Variants in TNPO1 observed in about 807,000 individuals in gnomAD.
TNPO1 encodes transportin-1.
TNPO1 carries 8 observed loss-of-function variants against 119.5 expected under a neutral mutation model. The ratio of observed to expected loss-of-function variants is 0.07; its 90% CI spans 0.04 to 0.12. TNPO1 has a LOEUF of 0.12. TNPO1 is among the 10% of genes least tolerant of loss of function. The pLI is 1.00. For missense variants in TNPO1, 576 were observed against 1,089.8 expected (o/e 0.53, Z 6.64); for synonymous variants, 362 against 363.0 (o/e 1.00, Z 0.03).
At chr5:72,885,152 A>G (rs1420831481) in intron 11 of TNPO1, among the ~76,000 whole-genome samples, 1 of 152,238 alleles carries the variant, frequency 6.6e-6, no homozygotes, top group Non-Finnish European at 1.5e-5. Flanking sequence ...GTTTAATCAT[A>G]AGTAAGAATA....
intron 1 of TNPO1, among the ~76,000 whole-genome samples, chr5:72,819,824 C>T (rs1289186062): frequency 6.6e-6 from 1 of 152,220 alleles, no homozygotes; most frequent in Non-Finnish European, 1.5e-5. Context: ...GTTATTTAAT[C>T]TCACTTTTTC....
intron 4 of TNPO1, 115 bp from the exon 5 acceptor site, chr5:72,861,693 A>T: frequency 6.9e-6 from 5 of 722,488 alleles, no homozygotes; most frequent in Non-Finnish European, 1.2e-5. Flanking sequence ...ATGAGCCACC[A>T]TGCCTGGCCA....
At chr5:72,900,849 G>A (rs767549880) in intron 21 of TNPO1, 125 bp from the exon 22 acceptor site, 4 of 533,668 alleles carry the variant, frequency 7.5e-6, no homozygotes, top group South Asian at 6.8e-5. Flanking sequence ...AAAGCTTTCC[G>A]AAAAACTCTT....
rs189581256 is a variant in TNPO1, at chr5:72,868,728, C to T, written c.596+2999C>T. The stretch of plus-strand genomic sequence containing the variant: ...AGAGCAAAAATTGGAGTGTTTGAGG[C>T]TTTTTTCTTTTTTTAACAAGTTGCA... On this transcript the variant is annotated intron_variant, in intron 6 of 24. Transcript: ENST00000337273. Among the ~76,000 whole-genome samples, 5 of 151,884 alleles carry T rather than the reference C, an allele frequency of 3.3e-5. No individual in the cohort carries two copies. In the East Asian group the frequency reaches 9.7e-4, roughly 30 times the overall value.
chr5:72,853,068 T>G (rs941583961), intron 3 of TNPO1, among the ~76,000 whole-genome samples: 1 of 152,228 alleles, frequency 6.6e-6, no homozygotes, highest in African/African-American at 2.4e-5. Context: ...ATATTAGGAT[T>G]GTTACAATAT....
Position 72,870,010 on chromosome 5 carries a change from T to A in TNPO1, c.597-2629T>A, listed in dbSNP as rs186228998. On this transcript the variant is annotated intron_variant, in intron 6 of 24. Transcript: ENST00000337273. ...TATTGGGAAATGATATTTAGAGCTT[T>A]CAGTAGGACAGTAGGAATGCCTTTT... 2.0e-3 allele frequency among the ~76,000 whole-genome samples: 302 copies of A among 152,358 alleles called. 2 individuals carry two copies. The highest frequency in any genetic ancestry group is 7.0e-3 in the African/African-American group (292 of 41,588).
At chr5:72,851,358 T>A (rs1267625054) in intron 3 of TNPO1, 39 bp downstream of exon 3, 1 of 1,176,974 alleles carries the variant, frequency 8.5e-7, no homozygotes. Flanking sequence ...TAAAGTTTCT[T>A]TAAGACCTGT....
intron 4 of TNPO1, among the ~76,000 whole-genome samples, chr5:72,860,878 T>C (rs1746390304): frequency 6.6e-6 from 1 of 152,154 alleles, no homozygotes; most frequent in Admixed American, 6.6e-5. Flanking sequence ...CGTTTTGGCA[T>C]ATTTTCTTTC....
At chr5:72,894,994 A>G (rs976385748) in intron 18 of TNPO1, among the ~76,000 whole-genome samples, 1 of 152,216 alleles carries the variant, frequency 6.6e-6, no homozygotes, top group East Asian at 1.9e-4. Flanking sequence ...CCCAGCTTCA[A>G]CTGTCCAGTC....
intron 5 of TNPO1, among the ~76,000 whole-genome samples, chr5:72,862,923 C>T (rs1033548649): frequency 1.8e-4 from 28 of 152,040 alleles, no homozygotes; most frequent in African/African-American, 6.8e-4. Context: ...GTTAGGATTA[C>T]AGGTGTGAGC....
At position 72,899,587 on chromosome 5, in the gene TNPO1, A is replaced by T. The variant is rs551899696; in HGVS notation, c.2339-419A>T. Among the ~76,000 whole-genome samples, 15 of 152,310 alleles carry T rather than the reference A, an allele frequency of 9.8e-5. No homozygotes were observed. In the East Asian group the frequency reaches 2.9e-3, roughly 29 times the overall value. ...TAATCACATTTACTGATATTTTCTC[A>T]TGAAAAAAACTATAGATTTTATTAT... On this transcript the variant is annotated intron_variant, in intron 20 of 24. Coordinates refer to ENST00000337273, the MANE Select transcript of TNPO1 (RefSeq NM_002270.4).
Position 72,910,392 on chromosome 5 carries a change from G to C in TNPO1, c.*1719G>C, listed in dbSNP as rs529167397. The C allele has an allele frequency of 1.3e-5, 2 of 152,618 alleles. No homozygotes were observed. The highest frequency in any genetic ancestry group is 4.8e-5 in the African/African-American group (2 of 41,542). The allele number at this position is 152,618 out of a possible 1,614,324, so 9.5% of individuals were successfully genotyped here. On this transcript the variant is annotated 3_prime_UTR_variant, in exon 25 of 25. Coordinates refer to ENST00000337273, the MANE Select transcript of TNPO1 (RefSeq NM_002270.4). ...ATGTGAAAACCTAACTGGTACACTT[G>C]ATCTTGTGTTCATATGAAAGTGCAA...
At chr5:72,872,772 A>G in intron 7 of TNPO1, 52 bp downstream of exon 7, 1 of 1,203,090 alleles carries the variant, frequency 8.3e-7, no homozygotes, top group Non-Finnish European at 1.2e-6. Context: ...TTTTTTTGAG[A>G]AGGTTAGGTG....
At chr5:72,851,988 C>T (rs1229593675) in intron 3 of TNPO1, among the ~76,000 whole-genome samples, 1 of 152,110 alleles carries the variant, frequency 6.6e-6, no homozygotes, top group Non-Finnish European at 1.5e-5. Flanking sequence ...ATTGAAAGGT[C>T]ATATAATCAA....
chr5:72,864,887 GCTT>G (rs1262439801), intron 5 of TNPO1, among the ~76,000 whole-genome samples: 4 of 152,102 alleles, frequency 2.6e-5, no homozygotes, highest in Non-Finnish European at 4.4e-5. Flanking sequence ...GGGATTACAG[GCTT>G]GAGCCACCAC....
At chr5:72,895,652 A>G (rs1749375592) in intron 18 of TNPO1, among the ~76,000 whole-genome samples, 1 of 152,238 alleles carries the variant, frequency 6.6e-6, no homozygotes, top group Non-Finnish European at 1.5e-5. Context: ...TTAAAAAATT[A>G]TGATATTCTA....
chr5:72,877,635 A>G (rs567014423), intron 9 of TNPO1, among the ~76,000 whole-genome samples: 1 of 152,206 alleles, frequency 6.6e-6, no homozygotes, highest in South Asian at 2.1e-4. Context: ...TTAAAAAACA[A>G]TCCTTGTTAT....
Position 72,901,004 on chromosome 5 carries a change from T to C in TNPO1, c.2445T>C (p.Asn815=), listed in dbSNP as rs752927071. ...CCTCTCTGAGAAACATAAGAGACAA[T>C]GAGGAAAAGGATTCAGCATTCCGTG... ...WCTSLRNIRD[N]EEKDSAFRGI... is the part of the protein sequence containing the mutation. The change falls in exon 22 of 25, where the codon AAT becomes AAC. Residue 815 remains asparagine, a synonymous_variant. Transcript: ENST00000337273. The C allele has an allele frequency of 3.1e-6, 5 of 1,611,660 alleles. 1 individual carries two copies. The highest frequency in any genetic ancestry group is 4.2e-6 in the Non-Finnish European group (5 of 1,179,234).
intron 9 of TNPO1, among the ~76,000 whole-genome samples, chr5:72,878,297 T>C (rs1320251542): frequency 1.3e-5 from 2 of 152,114 alleles, no homozygotes; most frequent in Non-Finnish European, 2.9e-5. Flanking sequence ...GTGATTTTTT[T>C]CCTCAAAGTA....
Sources: allele counts gnomAD v4.1 joint callset (sites outside exome capture counted in the v4.1 genomes callset), GRCh38; gene constraint gnomAD v4.1.1; transcripts MANE v1.5; gene names NCBI Gene and HGNC (gene_info 2026-07-23, HGNC 2026-07-21).